HDAC4: variants seen among roughly 807,000 people sequenced by gnomAD.
HDAC4 encodes histone deacetylase A.
HDAC4 carries 16 observed loss-of-function variants against 135.1 expected under a neutral mutation model. The ratio of observed to expected loss-of-function variants is 0.12; its 90% confidence interval spans 0.08 to 0.18. The LOEUF is 0.18. Among genes scored for constraint, HDAC4 ranks in the 10% least tolerant of loss-of-function variants. The pLI is 1.00. For missense variants in HDAC4, 1,143 were observed against 1,511.8 expected, an observed-to-expected ratio of 0.76 and a Z score of 4.05; for synonymous variants, 685 against 653.4, an observed-to-expected ratio of 1.05 and a Z score of -0.74.
chr2:239,329,547 T>C (rs1691419157), intron 2 of HDAC4, among the ~76,000 whole-genome samples: 1 of 151,770 alleles, frequency 6.6e-6, no homozygotes. Context: ...CTGCTCCGGC[T>C]GGGGGAGGGA....
intron 6 of HDAC4, among the ~76,000 whole-genome samples, chr2:239,158,870 C>T (rs2042595266): frequency 2.0e-5 from 3 of 152,060 alleles, no homozygotes; most frequent in South Asian, 4.1e-4. Context: ...AGAAGTGAAG[C>T]TCTATCCCTG....
intron 12 of HDAC4, among the ~76,000 whole-genome samples, chr2:239,123,619 C>T (rs2039883120): frequency 1.3e-5 from 2 of 152,240 alleles, no homozygotes; most frequent in African/African-American, 4.8e-5. Context: ...CCCGACTCAG[C>T]CCCACTGGAC....
intron 3 of HDAC4, among the ~76,000 whole-genome samples, chr2:239,222,008 C>T (rs2046983534): frequency 6.6e-6 from 1 of 152,222 alleles, no homozygotes; most frequent in African/African-American, 2.4e-5. Context: ...TAAAGTCCTT[C>T]CTTGCCAGCA....
intron 2 of HDAC4, among the ~76,000 whole-genome samples, chr2:239,322,585 G>C (rs1382670452): frequency 7.2e-5 from 11 of 152,232 alleles, no homozygotes. Flanking sequence ...CACTGGCACT[G>C]GGTGTGGCAA....
At chr2:239,388,249 C>A (rs1182177613) in intron 1 of HDAC4, among the ~76,000 whole-genome samples, 1 of 152,172 alleles carries the variant, frequency 6.6e-6, no homozygotes, top group Non-Finnish European at 1.5e-5. Context: ...ATGGGTGGAC[C>A]CGGATGAGGG....
chr2:239,168,437 G>A lies in HDAC4; in HGVS notation c.491-4514C>T, dbSNP rs568447849. On this transcript the variant is annotated intron_variant, in intron 5 of 26. Coordinates refer to ENST00000543185, the MANE Select transcript of HDAC4 (RefSeq NM_001378414.1). ...GCTAAACATGATGAAAACTGCCACC[G>A]TTCTGTCAAATGAATTGCATTACTT... 4.6e-5 allele frequency among the ~76,000 whole-genome samples: 7 copies of A among 152,238 alleles called. No homozygotes were observed. The East Asian group carries it at 1.2e-3, about 25-fold the overall frequency.
At chr2:239,236,731 G>A in intron 2 of HDAC4, 67 bp from the exon 3 acceptor site, 2 of 1,182,940 alleles carry the variant, frequency 1.7e-6, no homozygotes, top group East Asian at 2.5e-5. Context: ...TTTATGCTGG[G>A]AGTCTGCAGG....
At chr2:239,235,965 G>A (rs1054866686) in intron 3 of HDAC4, among the ~76,000 whole-genome samples, 11 of 152,266 alleles carry the variant, frequency 7.2e-5, no homozygotes, top group Non-Finnish European at 1.2e-4. Context: ...GCTTGAACCC[G>A]GGAGGTGGAG....
chr2:239,303,042 AC>A lies in HDAC4; in HGVS notation c.22+49635del, dbSNP rs934159316. Among the ~76,000 whole-genome samples, 11 of 151,036 alleles carry A rather than the reference AC, an allele frequency of 7.3e-5. No homozygotes were observed. The highest frequency in any genetic ancestry group is 1.9e-4 in the African/African-American group (8 of 41,152). On this transcript the variant is annotated intron_variant, in intron 2 of 26. Transcript: ENST00000543185. This position sits in a 1 kb window ranked among gnomAD's most constrained non-coding sequence, Gnocchi z 5.1. ...CCCCTGCCACCTCGGGAGTCCTCAA[AC>A]CCCCCCCGGGTGGGAGAGGTCATCA...
In HDAC4 at chr2:239,120,210, G is replaced by A. The variant is rs193074099; in HGVS notation, c.1534-4900C>T. Among the ~76,000 whole-genome samples the A allele has an allele frequency of 2.3e-4, 35 of 152,308 alleles. 1 individual carries two copies. Among genetic ancestry groups the A allele is most frequent in the South Asian group, 4.1e-4 (2 of 4,828 alleles). ...TGGGAGACAGATCAGAACTGGAGCA[G>A]TACGCAGGTGGAATAAAGTCAAAGC... On this transcript the variant is annotated intron_variant, in intron 12 of 26. Transcript: ENST00000543185.
chr2:239,101,475 G>A (rs2037627390), intron 16 of HDAC4, among the ~76,000 whole-genome samples: 1 of 152,168 alleles, frequency 6.6e-6, no homozygotes, highest in Non-Finnish European at 1.5e-5. Context: ...CCTGCAACGT[G>A]TGCCCTGCCA....
In HDAC4 at chr2:239,347,734, C is replaced by T. The variant is rs185440009; in HGVS notation, c.22+4944G>A. 4.6e-5 allele frequency among the ~76,000 whole-genome samples: 7 copies of T among 152,258 alleles called. No homozygotes were observed. In the East Asian group the frequency reaches 7.7e-4, roughly 17 times the overall value. ...TTGACCATGCTGACCAGGCTGATCGCGAACTCCTGACCTCAAATGATCTGC... is the reference window on the plus strand; with the variant it reads ...TTGACCATGCTGACCAGGCTGATCGTGAACTCCTGACCTCAAATGATCTGC... On this transcript the variant is annotated intron_variant, in intron 2 of 26. Transcript: ENST00000543185.
At chr2:239,380,271 C>A (rs1292293501) in intron 1 of HDAC4, among the ~76,000 whole-genome samples, 2 of 152,210 alleles carry the variant, frequency 1.3e-5, no homozygotes, top group Non-Finnish European at 2.9e-5. Flanking sequence ...GGCATATGCA[C>A]ACACACGTCC....
intron 2 of HDAC4, among the ~76,000 whole-genome samples, chr2:239,323,213 C>T (rs1364378537): frequency 1.7e-4 from 26 of 152,158 alleles, no homozygotes; most frequent in Admixed American, 1.7e-3. Context: ...AATCCCATTG[C>T]TGTTCTATCG....
rs1036638852 is a variant in HDAC4 at position 239,309,621 on chromosome 2, G to A, written c.22+43057C>T. On this transcript the variant is annotated intron_variant, in intron 2 of 26. Coordinates refer to ENST00000543185, the MANE Select transcript of HDAC4 (RefSeq NM_001378414.1). The surrounding 1 kb of genome is among the most constrained non-coding windows in gnomAD (Gnocchi z 4.2). ...CAGGCGTGCAGGAGCCCCTGCCAGT[G>A]AGGGCCAGCGAGGGGCCCAGGGAGA... Among the ~76,000 whole-genome samples, 1 of 152,234 alleles carries A rather than the reference G, an allele frequency of 6.6e-6. No individual in the cohort carries two copies. The highest frequency in any genetic ancestry group is 1.5e-5 in the Non-Finnish European group (1 of 68,040).
intron 2 of HDAC4, among the ~76,000 whole-genome samples, chr2:239,295,065 T>C (rs1296655746): frequency 6.6e-6 from 1 of 152,172 alleles, no homozygotes; most frequent in East Asian, 1.9e-4. Flanking sequence ...CCCAGCACTT[T>C]GGGAGGCCGA....
chr2:239,149,503 A>G (rs1671410540), intron 7 of HDAC4, among the ~76,000 whole-genome samples: 1 of 152,212 alleles, frequency 6.6e-6, no homozygotes, highest in Non-Finnish European at 1.5e-5. Context: ...CAAAGGAACA[A>G]GCAAAGACGA....
At chr2:239,259,571 T>C (rs1340619070) in intron 2 of HDAC4, among the ~76,000 whole-genome samples, 1 of 152,248 alleles carries the variant, frequency 6.6e-6, no homozygotes, top group Non-Finnish European at 1.5e-5. Flanking sequence ...AAGCCATGCA[T>C]AGAGGAAAAT....
At position 239,277,772 on chromosome 2, in the gene HDAC4, T is replaced by C. The variant is rs116649153; in HGVS notation, c.23-41108A>G. ...TTAGCAAACTCACACAGAAAACACC[T>C]GCGTTCCACAGCAACTCCACCCGGG... On this transcript the variant is annotated intron_variant, in intron 2 of 26. Transcript: ENST00000543185. Among the ~76,000 whole-genome samples the C allele has an allele frequency of 1.6e-3, 249 of 152,274 alleles. 1 individual carries two copies. Among genetic ancestry groups the C allele is most frequent in the African/African-American group, 5.4e-3 (223 of 41,560 alleles).
Sources: gnomAD v4.1 joint callset for allele counts (sites outside exome capture counted in the v4.1 genomes callset) on GRCh38, gnomAD v4.1.1 for gene constraint, Gnocchi (gnomAD v3.1) non-coding constraint, MANE v1.5 for transcripts, NCBI Gene and HGNC (gene_info 2026-07-23, HGNC 2026-07-21) for gene names.